Variants in TNKS observed in about 807,000 individuals in gnomAD.
TNKS encodes tankyrase.
A neutral mutation model predicts 135.8 loss-of-function variants in TNKS; 72 were observed. The observed-to-expected ratio is 0.53, with a 90% CI of 0.44 to 0.64. The LOEUF (loss-of-function observed/expected upper bound fraction) is 0.64, where lower values mean the gene tolerates loss of function less well. TNKS is among the 30% of genes least tolerant of loss of function. TNKS has a pLI of 0.00. For synonymous variants in TNKS, 849 were observed against 649.3 expected (o/e 1.31, Z -4.68); for missense variants, 1,769 against 1,674.0 (o/e 1.06, Z -0.99).
intron 20 of TNKS, 133 bp from the exon 21 acceptor site, chr8:9,761,383 C>G (rs909295416): frequency 8.2e-6 from 7 of 852,206 alleles, no homozygotes; most frequent in Non-Finnish European, 1.7e-6. Flanking sequence ...AAATTGTAAG[C>G]TCATGTTTAT....
chr8:9,673,412 G>T (rs1276529581), intron 3 of TNKS, among the ~76,000 whole-genome samples: 1 of 150,078 alleles, frequency 6.7e-6, no homozygotes, highest in Non-Finnish European at 1.5e-5. Flanking sequence ...TAGGATAATA[G>T]AGTTGTATTT....
intron 3 of TNKS, among the ~76,000 whole-genome samples, chr8:9,661,672 G>A (rs1263970039): frequency 1.2e-4 from 18 of 152,144 alleles, no homozygotes; most frequent in Admixed American, 1.2e-3. Flanking sequence ...ACATAGGCAT[G>A]GGCAAGGACT....
chr8:9,673,874 T>C (rs1310760894), intron 3 of TNKS, among the ~76,000 whole-genome samples: 1 of 152,196 alleles, frequency 6.6e-6, no homozygotes, highest in Admixed American at 6.5e-5. Flanking sequence ...GCTTTTTTTC[T>C]TTTAAAAAAA....
chr8:9,635,475 A>T (rs995413788), intron 3 of TNKS, among the ~76,000 whole-genome samples: 1 of 152,212 alleles, frequency 6.6e-6, no homozygotes, highest in Non-Finnish European at 1.5e-5. Context: ...ACTGGTTAGG[A>T]CAACAATCGT....
chr8:9,611,265 T>C (rs1272269699), intron 2 of TNKS, among the ~76,000 whole-genome samples: 1 of 152,202 alleles, frequency 6.6e-6, no homozygotes, highest in Admixed American at 6.5e-5. Flanking sequence ...TGGTTAAAGA[T>C]AGTATAGGGG....
At chr8:9,708,316 A>G in intron 8 of TNKS, 55 bp from the exon 9 acceptor site, 1 of 1,396,444 alleles carries the variant, frequency 7.2e-7, no homozygotes. Context: ...ATCATGCTGA[A>G]GATTTTTATA....
intron 2 of TNKS, among the ~76,000 whole-genome samples, chr8:9,606,326 G>T (rs118017071): frequency 2.3e-3 from 354 of 151,848 alleles, no homozygotes; most frequent in Admixed American, 4.3e-3. Context: ...ACATACCCAA[G>T]TCTGAATAAC....
chr8:9,607,403 A>G (rs554349223), intron 2 of TNKS, among the ~76,000 whole-genome samples: 8 of 152,320 alleles, frequency 5.3e-5, no homozygotes, highest in African/African-American at 1.9e-4. Context: ...GTATATCAAT[A>G]ACCTTTCCAA....
intron 17 of TNKS, among the ~76,000 whole-genome samples, chr8:9,736,177 T>G (rs1407832358): frequency 6.6e-6 from 1 of 151,322 alleles, no homozygotes; most frequent in African/African-American, 2.4e-5. Flanking sequence ...GCAGCTGTTA[T>G]ACAGGCATGG....
At chr8:9,570,104 T>A (rs1283606120) in intron 1 of TNKS, among the ~76,000 whole-genome samples, 1 of 152,220 alleles carries the variant, frequency 6.6e-6, no homozygotes, top group Non-Finnish European at 1.5e-5. Context: ...TAAAAATTGT[T>A]CTTTTTTAAG....
intron 1 of TNKS, among the ~76,000 whole-genome samples, chr8:9,563,710 C>G (rs144047831): frequency 9.4e-4 from 143 of 152,114 alleles, no homozygotes; most frequent in African/African-American, 3.4e-3. Flanking sequence ...ACGTTCATAT[C>G]TTGTATCATT....
chr8:9,657,663 A>C (rs1413182517), intron 3 of TNKS, among the ~76,000 whole-genome samples: 11 of 64,142 alleles, frequency 1.7e-4, no homozygotes, highest in African/African-American at 1.9e-4. Context: ...TGACCCCCCC[A>C]TCTCCCTCCC....
At chr8:9,773,863 A>G (rs1808082319) in intron 26 of TNKS, among the ~76,000 whole-genome samples, 1 of 152,188 alleles carries the variant, frequency 6.6e-6, no homozygotes, top group South Asian at 2.1e-4. Context: ...GTACTTTCTC[A>G]TGAGCAGTTT....
At chr8:9,575,125 T>C (rs1273972947) in intron 1 of TNKS, 14 of 957,356 alleles carry the variant, frequency 1.5e-5, no homozygotes, top group Non-Finnish European at 1.6e-5. Flanking sequence ...CTCGCTCTGT[T>C]GCCCAGGCTG....
At chr8:9,599,585 C>G (rs757946965) in intron 2 of TNKS, among the ~76,000 whole-genome samples, 7 of 152,178 alleles carry the variant, frequency 4.6e-5, no homozygotes, top group Admixed American at 3.3e-4. Flanking sequence ...CTTTGTTACA[C>G]TCAATCTTAC....
chr8:9,624,265 T>G (rs1244223106), intron 3 of TNKS, among the ~76,000 whole-genome samples: 1 of 152,224 alleles, frequency 6.6e-6, no homozygotes, highest in Non-Finnish European at 1.5e-5. Context: ...GATTAGAACT[T>G]CAGCTACAAC....
chr8:9,662,495 A>G (rs141658628), intron 3 of TNKS, among the ~76,000 whole-genome samples: 1 of 152,166 alleles, frequency 6.6e-6, no homozygotes, highest in Admixed American at 6.5e-5. Context: ...TATCGCAAGG[A>G]CAAAAAACCA....
chr8:9,634,488 C>G (rs1366365222), intron 3 of TNKS, among the ~76,000 whole-genome samples: 1 of 152,024 alleles, frequency 6.6e-6, no homozygotes, highest in Non-Finnish European at 1.5e-5. Flanking sequence ...GTTTGTTGTT[C>G]TTTGTTTTTT....
At chr8:9,678,217 G>T (rs530755666) in intron 3 of TNKS, among the ~76,000 whole-genome samples, 13 of 152,264 alleles carry the variant, frequency 8.5e-5, no homozygotes, top group South Asian at 2.1e-4. Flanking sequence ...TGCGTAATTT[G>T]ATTTACTTTG....
Sources: gnomAD v4.1 joint callset for allele counts (sites outside exome capture counted in the v4.1 genomes callset) on GRCh38, gnomAD v4.1.1 for gene constraint, MANE v1.5 for transcripts, NCBI Gene and HGNC (gene_info 2026-07-23, HGNC 2026-07-21) for gene names.